Variants in SUGCT observed in about 807,000 individuals in gnomAD.
The protein encoded by SUGCT is succinyl-CoA:glutarate CoA-transferase.
SUGCT carries 41 observed loss-of-function variants against 55.0 expected under a neutral mutation model. The ratio of observed to expected loss-of-function variants is 0.74; its 90% CI spans 0.58 to 0.97. The LOEUF (loss-of-function observed/expected upper bound fraction) is 0.97, where lower values mean the gene tolerates loss of function less well. Ranked by LOEUF, SUGCT falls within the 50% of genes least tolerant of loss-of-function variation. The pLI, the probability that SUGCT is intolerant of heterozygous loss-of-function variation, is 0.00. For synonymous variants in SUGCT, 187 were observed against 200.4 expected (o/e 0.93, Z 0.56); for missense variants, 568 against 547.8 (o/e 1.04, Z -0.37).
chr7:40,251,307 C>G (rs1428922297), intron 7 of SUGCT, among the ~76,000 whole-genome samples: 1 of 152,194 alleles, frequency 6.6e-6, no homozygotes, highest in East Asian at 1.9e-4. Flanking sequence ...TATGTAAATA[C>G]TTTTACTTAG....
chr7:40,493,677 T>G (rs1791817621), intron 11 of SUGCT, among the ~76,000 whole-genome samples: 1 of 152,222 alleles, frequency 6.6e-6, no homozygotes, highest in Non-Finnish European at 1.5e-5. Context: ...GGCCCTAGGT[T>G]CACTTGCTAA....
intron 11 of SUGCT, among the ~76,000 whole-genome samples, chr7:40,491,327 G>T (rs1241096085): frequency 1.3e-5 from 2 of 152,188 alleles, no homozygotes; most frequent in Non-Finnish European, 2.9e-5. Context: ...GATAGTTACA[G>T]TGCGAATGGA....
rs190659494 is a variant in SUGCT at position 40,343,173 on chromosome 7, T to C, written c.816+26318T>C. Among the ~76,000 whole-genome samples, 590 of 152,330 alleles carry C rather than the reference T, an allele frequency of 3.9e-3. 13 individuals are homozygous for C. Among genetic ancestry groups the C allele is most frequent in the Admixed American group, 0.022 (335 of 15,300 alleles). On this transcript the variant is annotated intron_variant, in intron 9 of 13. Coordinates refer to ENST00000335693, the MANE Select transcript of SUGCT (RefSeq NM_001193313.2). ...TATCAGCCTTCCACCGATAGCTTTATCTTAAAATGTCATCCTAATTTATCT... is the reference window on the plus strand; with the variant it reads ...TATCAGCCTTCCACCGATAGCTTTACCTTAAAATGTCATCCTAATTTATCT...
chr7:40,694,351 G>A (rs138617227), intron 12 of SUGCT, among the ~76,000 whole-genome samples: 466 of 152,332 alleles, frequency 3.1e-3, no homozygotes, highest in Admixed American at 5.6e-3. Flanking sequence ...CCTGAGGAGA[G>A]GAACTTCTCC....
intron 10 of SUGCT, 84 bp from the exon 11 acceptor site, chr7:40,459,017 G>A: frequency 2.5e-6 from 2 of 790,986 alleles, no homozygotes; most frequent in Non-Finnish European, 4.2e-6. Flanking sequence ...TGAGAAGGGA[G>A]AGATAGGACC....
At chr7:40,473,503 T>C (rs1195842857) in intron 11 of SUGCT, among the ~76,000 whole-genome samples, 4 of 152,158 alleles carry the variant, frequency 2.6e-5, no homozygotes, top group Non-Finnish European at 5.9e-5. Context: ...GCCTAAGGTG[T>C]TTCTGAGTCT....
chr7:40,287,863 T>C (rs1439163519), intron 8 of SUGCT, among the ~76,000 whole-genome samples: 5 of 152,192 alleles, frequency 3.3e-5, no homozygotes, highest in African/African-American at 1.2e-4. Flanking sequence ...ACTGTTTTTA[T>C]CATGAAAGAG....
chr7:40,994,343 A>C, the SUGCT span, among the ~76,000 whole-genome samples: 7 of 152,316 alleles, frequency 4.6e-5, no homozygotes, highest in African/African-American at 1.7e-4. Context: ...ACAAAATCTA[A>C]TGTATGGATG....
intron 9 of SUGCT, among the ~76,000 whole-genome samples, chr7:40,425,562 G>A (rs982836033): frequency 9.2e-5 from 14 of 152,082 alleles, no homozygotes; most frequent in Admixed American, 8.5e-4. Flanking sequence ...ACACAATTAA[G>A]CTTTTTTGTT....
At chr7:40,988,351 G>A in the SUGCT span, among the ~76,000 whole-genome samples, 1 of 151,128 alleles carries the variant, frequency 6.6e-6, no homozygotes, top group African/African-American at 2.4e-5. Flanking sequence ...GGGAAAGGAA[G>A]TTGGGCTCCT....
At chr7:40,244,442 C>T (rs1789679701) in intron 7 of SUGCT, among the ~76,000 whole-genome samples, 1 of 152,108 alleles carries the variant, frequency 6.6e-6, no homozygotes, top group South Asian at 2.1e-4. Flanking sequence ...GGGAAGGTTG[C>T]TTTAGGCCTT....
chr7:40,216,118 T>A (rs1428103617), intron 6 of SUGCT, among the ~76,000 whole-genome samples: 1 of 152,044 alleles, frequency 6.6e-6, no homozygotes, highest in African/African-American at 2.4e-5. Context: ...GCTTTTTTTT[T>A]TTTTTTTAAC....
intron 12 of SUGCT, among the ~76,000 whole-genome samples, chr7:40,726,165 G>A (rs1203716): frequency 0.37 from 55,901 of 151,926 alleles, 13,020 homozygotes; most frequent in African/African-American, 0.66. Context: ...GGACAACCAC[G>A]TTGTATTACT....
At chr7:40,681,216 G>A (rs1460275856) in intron 12 of SUGCT, among the ~76,000 whole-genome samples, 1 of 152,080 alleles carries the variant, frequency 6.6e-6, no homozygotes, top group East Asian at 1.9e-4. Flanking sequence ...TTTAGAATGA[G>A]TTTGGTTACC....
At chr7:40,601,614 T>G (rs1025637711) in intron 12 of SUGCT, among the ~76,000 whole-genome samples, 2 of 152,198 alleles carry the variant, frequency 1.3e-5, no homozygotes, top group Non-Finnish European at 2.9e-5. Flanking sequence ...ACAGCAGCTC[T>G]GCATGAGAAA....
chr7:40,918,620 T>C, the SUGCT span, among the ~76,000 whole-genome samples: 3 of 152,100 alleles, frequency 2.0e-5, no homozygotes, highest in African/African-American at 7.2e-5. Flanking sequence ...ATTCTCCAGG[T>C]TGAAATGCAA....
chr7:40,622,777 C>T (rs1401949488), intron 12 of SUGCT, among the ~76,000 whole-genome samples: 3 of 151,702 alleles, frequency 2.0e-5, no homozygotes, highest in East Asian at 1.9e-4. Context: ...TCTAATTAGG[C>T]CTCACTGTTT....
chr7:40,237,013 A>G (rs1351688495), intron 6 of SUGCT, among the ~76,000 whole-genome samples: 1 of 151,842 alleles, frequency 6.6e-6, no homozygotes, highest in Non-Finnish European at 1.5e-5. Flanking sequence ...TTGTATTTTT[A>G]GTAGAGATGG....
At chr7:40,517,679 T>G (rs557234668) in intron 12 of SUGCT, among the ~76,000 whole-genome samples, 1 of 152,256 alleles carries the variant, frequency 6.6e-6, no homozygotes, top group East Asian at 1.9e-4. Flanking sequence ...AGATTTTACC[T>G]CTCTAAGCAT....
Sources: allele counts gnomAD v4.1 joint callset (sites outside exome capture counted in the v4.1 genomes callset), GRCh38; gene constraint gnomAD v4.1.1; transcripts MANE v1.5; gene names NCBI Gene and HGNC (gene_info 2026-07-23, HGNC 2026-07-21).